Variants in PLXDC2 observed in about 807,000 individuals in gnomAD.
PLXDC2 encodes plexin domain-containing protein 2.
Under a neutral mutation model 68.9 loss-of-function variants are expected in PLXDC2, and 40 were observed. The ratio of observed to expected loss-of-function variants is 0.58; its 90% CI spans 0.45 to 0.76. PLXDC2 has a LOEUF of 0.76. Among genes scored for constraint, PLXDC2 ranks in the 30% least tolerant of loss-of-function variants. The pLI, the probability that PLXDC2 is intolerant of heterozygous loss-of-function variation, is 0.00. For synonymous variants in PLXDC2, 243 were observed against 234.2 expected (o/e 1.04, Z -0.34); for missense variants, 644 against 661.9 (o/e 0.97, Z 0.30).
At chr10:20,181,900 GGTTT>G (rs1484611549) in intron 9 of PLXDC2, among the ~76,000 whole-genome samples, 1 of 151,892 alleles carries the variant, frequency 6.6e-6, no homozygotes, top group Non-Finnish European at 1.5e-5. Context: ...AGTTTTTGTT[GGTTT>G]GTTTATTTGT....
At chr10:20,268,697 C>G (rs1040957530) in intron 13 of PLXDC2, among the ~76,000 whole-genome samples, 1 of 152,180 alleles carries the variant, frequency 6.6e-6, no homozygotes, top group African/African-American at 2.4e-5. Flanking sequence ...ACTCCAGACA[C>G]AAGTAACTTG....
At chr10:19,896,580 C>T (rs1378193743) in intron 1 of PLXDC2, among the ~76,000 whole-genome samples, 1 of 152,144 alleles carries the variant, frequency 6.6e-6, no homozygotes, top group Non-Finnish European at 1.5e-5. Flanking sequence ...ATGGAAACTC[C>T]TGTCACTCAC....
At chr10:19,844,126 A>G (rs1389745188) in intron 1 of PLXDC2, among the ~76,000 whole-genome samples, 1 of 152,240 alleles carries the variant, frequency 6.6e-6, no homozygotes, top group Non-Finnish European at 1.5e-5. Context: ...GGAAAATTGT[A>G]TCTGTAGTGA....
At chr10:20,132,129 T>G (rs950120450) in intron 4 of PLXDC2, among the ~76,000 whole-genome samples, 31 of 152,248 alleles carry the variant, frequency 2.0e-4, no homozygotes, top group Non-Finnish European at 2.8e-4. Context: ...CTATGTTATT[T>G]AATTTTCACA....
chr10:19,842,457 C>T (rs116047044), intron 1 of PLXDC2, among the ~76,000 whole-genome samples: 167 of 152,250 alleles, frequency 1.1e-3, no homozygotes, highest in African/African-American at 3.8e-3. Flanking sequence ...CCTGTCCTTT[C>T]ATAAGAAGTG....
chr10:19,829,690 T>C (rs1374038125), intron 1 of PLXDC2, among the ~76,000 whole-genome samples: 4 of 152,014 alleles, frequency 2.6e-5, no homozygotes, highest in Admixed American at 2.6e-4. Context: ...ATCATGCCAC[T>C]GCACTCCAGC....
chr10:19,842,467 G>A (rs148291104), intron 1 of PLXDC2, among the ~76,000 whole-genome samples: 1 of 152,260 alleles, frequency 6.6e-6, no homozygotes, highest in East Asian at 1.9e-4. Flanking sequence ...CATAAGAAGT[G>A]TCCTGACAAC....
chr10:20,287,158 C>A lies in PLXDC2; in HGVS notation c.*7339C>A, dbSNP rs1836166569. ...GCTGAGACCCCTGACATAGAGAAAGCAAAGGATATGCCTATGATTAGTCTA... is the reference window on the plus strand; with the variant it reads ...GCTGAGACCCCTGACATAGAGAAAGAAAAGGATATGCCTATGATTAGTCTA... On this transcript the variant is annotated 3_prime_UTR_variant, in exon 14 of 14. Transcript: ENST00000377252. 6.6e-6 allele frequency: 1 copy of A among 152,202 alleles called. No homozygotes were observed. Among genetic ancestry groups the A allele is most frequent in the Admixed American group, 6.5e-5 (1 of 15,274 alleles). The allele number at this position is 152,202 out of a possible 1,614,324, so 9.4% of individuals were successfully genotyped here. A position where few individuals can be genotyped will look rare whatever the true frequency, so the allele number is the denominator to read the frequency against.
intron 7 of PLXDC2, among the ~76,000 whole-genome samples, chr10:20,167,574 A>G (rs1834391714): frequency 1.3e-5 from 2 of 152,108 alleles, no homozygotes; most frequent in African/African-American, 2.4e-5. Flanking sequence ...TACCCCCACC[A>G]AGTGGATTTA....
At chr10:20,114,425 G>A (rs2460586) in intron 4 of PLXDC2, among the ~76,000 whole-genome samples, 55,199 of 152,100 alleles carry the variant, frequency 0.36, 11,611 homozygotes, top group Non-Finnish European at 0.49. Context: ...AATGTCAGAC[G>A]CTGTGTTGAA....
intron 13 of PLXDC2, among the ~76,000 whole-genome samples, chr10:20,258,041 A>G (rs1157803639): frequency 1.7e-5 from 2 of 115,358 alleles, no homozygotes; most frequent in African/African-American, 6.9e-5. Context: ...TTGCACAGCC[A>G]CTCAGGCTGG....
intron 9 of PLXDC2, among the ~76,000 whole-genome samples, chr10:20,198,048 G>C (rs74861631): frequency 0.097 from 14,818 of 152,094 alleles, 875 homozygotes; most frequent in Non-Finnish European, 0.14. Flanking sequence ...TGTCCTAAAG[G>C]TGGGTGCTGT....
chr10:19,818,692 A>T (rs1269526125), intron 1 of PLXDC2, among the ~76,000 whole-genome samples: 1 of 152,186 alleles, frequency 6.6e-6, no homozygotes, highest in African/African-American at 2.4e-5. Flanking sequence ...ACAGTAGACT[A>T]TGCCTTTTGT....
At chr10:20,209,328 G>A (rs954813599) in intron 9 of PLXDC2, among the ~76,000 whole-genome samples, 12 of 143,768 alleles carry the variant, frequency 8.3e-5, no homozygotes, top group Non-Finnish European at 6.3e-5. Context: ...CCTTGCTGAG[G>A]AAAACAATGA....
chr10:20,163,901 T>C (rs1834339008), intron 6 of PLXDC2, among the ~76,000 whole-genome samples: 1 of 152,178 alleles, frequency 6.6e-6, no homozygotes. Flanking sequence ...TTAGAAGTCT[T>C]TCATAGTAGT....
chr10:19,879,587 G>A (rs1837693171), intron 1 of PLXDC2, among the ~76,000 whole-genome samples: 1 of 152,194 alleles, frequency 6.6e-6, no homozygotes, highest in African/African-American at 2.4e-5. Context: ...AGAAGGCCTT[G>A]CATTGCAGAC....
intron 2 of PLXDC2, among the ~76,000 whole-genome samples, chr10:20,037,986 T>C (rs1434419925): frequency 6.6e-6 from 1 of 152,202 alleles, no homozygotes; most frequent in Non-Finnish European, 1.5e-5. Context: ...AGTACATGCC[T>C]GTAATCCCAG....
intron 2 of PLXDC2, among the ~76,000 whole-genome samples, chr10:20,041,286 A>G (rs1835677451): frequency 6.6e-6 from 1 of 152,076 alleles, no homozygotes; most frequent in Admixed American, 6.6e-5. Context: ...TATATAGTTA[A>G]ATTACAACTT....
At chr10:19,860,341 G>A (rs757238499) in intron 1 of PLXDC2, among the ~76,000 whole-genome samples, 3 of 152,162 alleles carry the variant, frequency 2.0e-5, no homozygotes, top group Non-Finnish European at 4.4e-5. Context: ...TGCTTGCCAT[G>A]GTACTAAGAT....
Sources: allele counts gnomAD v4.1 joint callset (sites outside exome capture counted in the v4.1 genomes callset), GRCh38; gene constraint gnomAD v4.1.1; transcripts MANE v1.5; gene names NCBI Gene and HGNC (gene_info 2026-07-23, HGNC 2026-07-21).